The following MAGI1 variants were observed in gnomAD, a reference collection of about 807,000 sequenced individuals.
The protein encoded by MAGI1 is membrane-associated guanylate kinase, WW and PDZ domain-containing protein 1.
In MAGI1, 58 loss-of-function variants were observed where a neutral mutation model predicts 139.9. That is an observed-to-expected ratio of 0.41 (90% CI 0.34 to 0.52). The LOEUF is 0.52. Ranked by LOEUF, MAGI1 falls within the 20% of genes least tolerant of loss-of-function variation. MAGI1 has a pLI of 0.12. For missense variants in MAGI1, 1,874 were observed against 1,901.6 expected (o/e 0.99, Z 0.27); for synonymous variants, 812 against 737.9 (o/e 1.10, Z -1.63).
Position 65,716,038 on chromosome 3 carries a change from T to C in MAGI1, c.314-93950A>G, listed in dbSNP as rs182206644. On this transcript the variant is annotated intron_variant, in intron 1 of 22. Coordinates refer to ENST00000402939, the MANE Select transcript of MAGI1 (RefSeq NM_001033057.2). ...AGACTCAGTTCTGTATTCTAAGGCC[T>C]GTGAAAACAAACAATTATATTCCAA... is the stretch of plus-strand genomic sequence containing the variant. Among the ~76,000 whole-genome samples the C allele has an allele frequency of 9.8e-5, 15 of 152,334 alleles. No individual in the cohort carries two copies. In the East Asian group the frequency reaches 2.9e-3, roughly 29 times the overall value.
intron 2 of MAGI1, among the ~76,000 whole-genome samples, chr3:65,607,241 C>A (rs1193306016): frequency 1.3e-5 from 2 of 151,550 alleles, no homozygotes; most frequent in Non-Finnish European, 2.9e-5. Flanking sequence ...CTGGTACCTA[C>A]CCCAGTCTCT....
chr3:65,799,623 C>G (rs1429931024), intron 1 of MAGI1, among the ~76,000 whole-genome samples: 1 of 152,068 alleles, frequency 6.6e-6, no homozygotes, highest in East Asian at 1.9e-4. Context: ...GAATTTGGTA[C>G]TATTCCATGG....
At chr3:66,006,414 T>A (rs2067012963) in intron 1 of MAGI1, among the ~76,000 whole-genome samples, 1 of 152,190 alleles carries the variant, frequency 6.6e-6, no homozygotes, top group South Asian at 2.1e-4. Context: ...AACTTTTCAC[T>A]TGTGACACAT....
chr3:65,424,282 G>A (rs1946846665), intron 12 of MAGI1, among the ~76,000 whole-genome samples: 1 of 152,126 alleles, frequency 6.6e-6, no homozygotes, highest in African/African-American at 2.4e-5. Context: ...GAGTTACAAA[G>A]TGTGCTTATA....
At chr3:65,646,667 A>C (rs1244265692) in intron 1 of MAGI1, among the ~76,000 whole-genome samples, 1 of 152,088 alleles carries the variant, frequency 6.6e-6, no homozygotes, top group African/African-American at 2.4e-5. Context: ...ACAAATCTCA[A>C]CAAATGTTAA....
intron 2 of MAGI1, among the ~76,000 whole-genome samples, chr3:65,589,440 C>A (rs927978668): frequency 6.6e-6 from 1 of 152,100 alleles, no homozygotes; most frequent in African/African-American, 2.4e-5. Flanking sequence ...CCTTGCACTT[C>A]CTGCTCCAGT....
At chr3:65,857,073 C>T (rs1559948361) in intron 1 of MAGI1, among the ~76,000 whole-genome samples, 4 of 152,176 alleles carry the variant, frequency 2.6e-5, no homozygotes, top group African/African-American at 4.8e-5. Flanking sequence ...GGGCTCATGG[C>T]CACTGCACAC....
rs141790267 is a variant in MAGI1, at chr3:65,406,476, C to T, written c.2168-5006G>A. 3.6e-3 allele frequency among the ~76,000 whole-genome samples: 546 copies of T among 152,208 alleles called. 3 individuals are homozygous for T. Among genetic ancestry groups the T allele is most frequent in the African/African-American group, 7.8e-3 (322 of 41,542 alleles). Reference sequence around the variant, plus strand: ...GTCTGTCACATACAAAATGGATCTACGCATAAGAAAAATGTACTATTTTTG... The same window carrying T: ...GTCTGTCACATACAAAATGGATCTATGCATAAGAAAAATGTACTATTTTTG... On this transcript the variant is annotated intron_variant, in intron 12 of 22. Coordinates refer to ENST00000402939, the MANE Select transcript of MAGI1 (RefSeq NM_001033057.2).
chr3:65,693,082 T>C (rs2088821349), intron 1 of MAGI1, among the ~76,000 whole-genome samples: 1 of 151,936 alleles, frequency 6.6e-6, no homozygotes, highest in East Asian at 1.9e-4. Flanking sequence ...ACCATAGGCA[T>C]GAGATACTAT....
intron 9 of MAGI1, among the ~76,000 whole-genome samples, chr3:65,438,743 G>T (rs1346460034): frequency 6.6e-6 from 1 of 152,186 alleles, no homozygotes. Flanking sequence ...TAATAAAAAG[G>T]AGAATACTTT....
At chr3:65,870,358 G>A (rs903387384) in intron 1 of MAGI1, among the ~76,000 whole-genome samples, 2 of 152,014 alleles carry the variant, frequency 1.3e-5, no homozygotes, top group African/African-American at 2.4e-5. Flanking sequence ...GAAAGCCTGT[G>A]TAGCAATGAG....
intron 12 of MAGI1, among the ~76,000 whole-genome samples, chr3:65,424,511 A>C (rs1382651533): frequency 6.6e-6 from 1 of 152,142 alleles, no homozygotes. Flanking sequence ...TATTCAGTAT[A>C]TGGTCTGTGC....
chr3:65,591,546 C>T (rs2081964579), intron 2 of MAGI1, among the ~76,000 whole-genome samples: 1 of 152,162 alleles, frequency 6.6e-6, no homozygotes, highest in Non-Finnish European at 1.5e-5. Flanking sequence ...ATCCTACTAC[C>T]TTCAGTGAGG....
intron 2 of MAGI1, among the ~76,000 whole-genome samples, chr3:65,537,793 A>G (rs909355655): frequency 1.2e-4 from 19 of 152,138 alleles, no homozygotes; most frequent in African/African-American, 4.6e-4. Context: ...TGAAAATTAC[A>G]CATTTAAAGA....
chr3:65,357,876 G>A, intron 22 of MAGI1, among the ~76,000 whole-genome samples: 1 of 152,102 alleles, frequency 6.6e-6, no homozygotes, highest in Non-Finnish European at 1.5e-5. Context: ...TGTCCTATCT[G>A]TATTATTCAA....
At chr3:65,549,128 A>T (rs377534970) in intron 2 of MAGI1, among the ~76,000 whole-genome samples, 1 of 152,084 alleles carries the variant, frequency 6.6e-6, no homozygotes, top group South Asian at 2.1e-4. Context: ...ATGCTCGCCC[A>T]AGAAACATGG....
intron 1 of MAGI1, among the ~76,000 whole-genome samples, chr3:65,751,851 T>C (rs540747731): frequency 6.6e-6 from 1 of 152,246 alleles, no homozygotes; most frequent in Non-Finnish European, 1.5e-5. Context: ...TTTAAAAAAT[T>C]TCCTTCTTTA....
At chr3:65,632,050 T>C (rs2084348120) in intron 1 of MAGI1, among the ~76,000 whole-genome samples, 2 of 151,588 alleles carry the variant, frequency 1.3e-5, no homozygotes, top group African/African-American at 4.9e-5. Context: ...GATATTTGCA[T>C]GTCTTTCTTT....
chr3:66,038,624 A>ATT lies in MAGI1; in HGVS notation c.-318_-317dup. Reference sequence around the variant, plus strand: ...GAGTCCACTCTGCGCCGCTCGGGTTATTTTTTTTTCCTTCCTTCCTTTCTC... The same window carrying ATT: ...GAGTCCACTCTGCGCCGCTCGGGTTATTTTTTTTTTTCCTTCCTTCCTTTCTC... On this transcript the variant is annotated 5_prime_UTR_variant, in exon 1 of 23. Coordinates refer to ENST00000402939, the MANE Select transcript of MAGI1 (RefSeq NM_001033057.2). 1 of 316,268 alleles carries ATT rather than the reference A, an allele frequency of 3.2e-6. No individual in the cohort carries two copies. The highest frequency in any genetic ancestry group is 5.2e-5 in the East Asian group (1 of 19,206). 19.6% of individuals were successfully genotyped at this position (316,268 alleles called of 1,614,324 possible).
Sources: gnomAD v4.1 joint callset for allele counts (sites outside exome capture counted in the v4.1 genomes callset) on GRCh38, gnomAD v4.1.1 for gene constraint, MANE v1.5 for transcripts, NCBI Gene and HGNC (gene_info 2026-07-23, HGNC 2026-07-21) for gene names.